Variants in PLA2G4C observed in about 807,000 individuals in gnomAD.
The protein encoded by PLA2G4C is phospholipase A2 group IVC.
In PLA2G4C, 64 loss-of-function variants were observed where a neutral mutation model predicts 73.8. That is an observed-to-expected ratio of 0.87 (90% confidence interval 0.71 to 1.07). PLA2G4C has a LOEUF of 1.07. Ranked by LOEUF, PLA2G4C falls within the 50% of genes least tolerant of loss-of-function variation. The probability of loss-of-function intolerance (pLI) is 0.00; values close to 1 mark genes in which losing one functional copy is unlikely to be tolerated. For synonymous variants in PLA2G4C, 254 were observed against 252.1 expected, an observed-to-expected ratio of 1.01 and a Z score of -0.07; for missense variants, 622 against 665.4, an observed-to-expected ratio of 0.93 and a Z score of 0.72.
intron 1 of PLA2G4C, among the ~76,000 whole-genome samples, chr19:48,109,718 C>T (rs1394750032): frequency 6.6e-6 from 1 of 151,976 alleles, no homozygotes; most frequent in Non-Finnish European, 1.5e-5. Flanking sequence ...GGCGCAGTCT[C>T]GGCTCACTGC....
At chr19:48,060,094 G>A (rs982080411) in intron 14 of PLA2G4C, among the ~76,000 whole-genome samples, 6 of 151,964 alleles carry the variant, frequency 3.9e-5, no homozygotes, top group Admixed American at 1.3e-4. Flanking sequence ...TGAGGCTTTC[G>A]GACTCGGACT....
chr19:48,061,025 G>T (rs1968147894), intron 14 of PLA2G4C, among the ~76,000 whole-genome samples: 1 of 152,116 alleles, frequency 6.6e-6, no homozygotes, highest in South Asian at 2.1e-4. Flanking sequence ...GCTGGGCAGG[G>T]CGGCTTGTGC....
intron 8 of PLA2G4C, 63 bp downstream of exon 8, chr19:48,090,301 A>G (rs2122628352): frequency 8.8e-7 from 1 of 1,135,828 alleles, no homozygotes; most frequent in East Asian, 2.3e-5. Context: ...TAGGAAAAGT[A>G]CTGTGAATCT....
intron 3 of PLA2G4C, 119 bp downstream of exon 3, chr19:48,105,214 T>TGTCCC (rs1180750116): frequency 3.0e-6 from 2 of 675,178 alleles, no homozygotes; most frequent in Admixed American, 2.6e-5. Context: ...CTTCTATTTC[T>TGTCCC]ATCCCATAGA....
At chr19:48,054,257 T>A (rs574995288) in intron 15 of PLA2G4C, among the ~76,000 whole-genome samples, 2 of 152,176 alleles carry the variant, frequency 1.3e-5, no homozygotes, top group African/African-American at 4.8e-5. Context: ...GTTACCCTCA[T>A]GCTGTTCTCG....
At chr19:48,106,622 G>T in intron 1 of PLA2G4C, 61 bp from the exon 2 acceptor site, 2 of 1,338,870 alleles carry the variant, frequency 1.5e-6, no homozygotes, top group South Asian at 1.2e-5. Context: ...AAAGACAGTG[G>T]GGGAGGGCTG....
Position 48,089,352 on chromosome 19 carries a change from G to A in PLA2G4C, c.764-640C>T, listed in dbSNP as rs993282585. 3.9e-5 allele frequency among the ~76,000 whole-genome samples: 6 copies of A among 152,102 alleles called. No individual in the cohort carries two copies. In the East Asian group the frequency reaches 1.2e-3, roughly 29 times the overall value. On this transcript the variant is annotated intron_variant, in intron 8 of 16. Coordinates refer to ENST00000599921, the MANE Select transcript of PLA2G4C (RefSeq NM_003706.3). ...GAGTTGCTTAAGCCTGGGAGGTGGA[G>A]GTTGCAGTGAACTGAGATCATACCA...
intron 1 of PLA2G4C, 38 bp downstream of exon 1, chr19:48,110,449 A>T (rs2032437195): frequency 1.4e-6 from 2 of 1,397,004 alleles, no homozygotes; most frequent in Non-Finnish European, 1.8e-6. Context: ...TGGCCGCCCC[A>T]GCGGGATGAA....
At position 48,104,979 on chromosome 19, in the gene PLA2G4C, A is replaced by G. The variant is rs559593092; in HGVS notation, c.121-255T>C. 8.0e-5 allele frequency among the ~76,000 whole-genome samples: 12 copies of G among 150,124 alleles called. No individual in the cohort carries two copies. The South Asian group carries it at 2.6e-3, about 32-fold the overall frequency. On this transcript the variant is annotated intron_variant, in intron 3 of 16. Transcript: ENST00000599921. ...ACACCTGTAATCCCAGCTGCTCAGC[A>G]GGCTGATGCAGGGGAATAGCTTGAA...
At chr19:48,076,113 T>C (rs2030135392) in intron 11 of PLA2G4C, among the ~76,000 whole-genome samples, 1 of 152,222 alleles carries the variant, frequency 6.6e-6, no homozygotes, top group Non-Finnish European at 1.5e-5. Context: ...AGCCTATGTA[T>C]GGCACTTTGT....
At chr19:48,108,438 A>G (rs1010353437) in intron 1 of PLA2G4C, among the ~76,000 whole-genome samples, 1 of 152,138 alleles carries the variant, frequency 6.6e-6, no homozygotes. Flanking sequence ...ACCCCACTAA[A>G]AAGCTGAGTT....
Position 48,048,206 on chromosome 19 carries a change from G to T in PLA2G4C, c.*137C>A. 1.6e-6 allele frequency: 1 copy of T among 635,040 alleles called. No individual in the cohort carries two copies. Among genetic ancestry groups the T allele is most frequent in the Non-Finnish European group, 2.7e-6 (1 of 365,170 alleles). 39.3% of individuals were successfully genotyped at this position (635,040 alleles called of 1,614,324 possible). A position where few individuals can be genotyped will look rare whatever the true frequency, so the allele number is the denominator to read the frequency against. On this transcript the variant is annotated 3_prime_UTR_variant, in exon 17 of 17. Transcript: ENST00000599921. Reference sequence around the variant, plus strand: ...ACAGTCTAGCTGGTCACTGGTGATTGGCCCTGTTAGGACAGCCAAGGTGAA... The same window carrying T: ...ACAGTCTAGCTGGTCACTGGTGATTTGCCCTGTTAGGACAGCCAAGGTGAA...
chr19:48,067,928 CTG>C (rs1568430203), intron 12 of PLA2G4C, 42 bp from the exon 13 acceptor site: 1 of 1,396,536 alleles, frequency 7.2e-7, no homozygotes, highest in Admixed American at 1.7e-5. Flanking sequence ...GTTCAGGAGA[CTG>C]AGTGGTTTCT....
At chr19:48,051,828 G>A (rs761305304) in intron 16 of PLA2G4C, 4 of 150,360 alleles carry the variant, frequency 2.7e-5, no homozygotes, top group Non-Finnish European at 5.9e-5. Context: ...CAAAAGGAAA[G>A]ACAGTTTCTT....
intron 13 of PLA2G4C, chr19:48,064,806 A>G (rs1294071011): frequency 1.3e-5 from 2 of 152,230 alleles, no homozygotes; most frequent in Non-Finnish European, 2.9e-5. Flanking sequence ...CATGGAGCAA[A>G]GACCATACGA....
At chr19:48,071,350 G>A (rs1340324775) in intron 12 of PLA2G4C, among the ~76,000 whole-genome samples, 2 of 151,958 alleles carry the variant, frequency 1.3e-5, no homozygotes, top group Admixed American at 6.6e-5. Context: ...GAGTGCAATG[G>A]CGTGATCTCA....
chr19:48,107,296 TG>T (rs1340983523), intron 1 of PLA2G4C, among the ~76,000 whole-genome samples: 1 of 152,200 alleles, frequency 6.6e-6, no homozygotes, highest in East Asian at 1.9e-4. Context: ...TGGTAGCTCT[TG>T]GTCTGCCAAA....
At chr19:48,050,881 G>C (rs944933405) in intron 16 of PLA2G4C, among the ~76,000 whole-genome samples, 5 of 151,752 alleles carry the variant, frequency 3.3e-5, no homozygotes, top group African/African-American at 1.2e-4. Context: ...TTGCCATGTT[G>C]CCCAGGCTGG....
intron 2 of PLA2G4C, 102 bp downstream of exon 2, chr19:48,106,420 A>G (rs952203237): frequency 1.1e-6 from 1 of 925,090 alleles, no homozygotes; most frequent in African/African-American, 1.6e-5. Flanking sequence ...ATCTCCACCA[A>G]GCGAGAGGAA....
Sources: gnomAD v4.1 joint callset for allele counts (sites outside exome capture counted in the v4.1 genomes callset) on GRCh38, gnomAD v4.1.1 for gene constraint, MANE v1.5 for transcripts, NCBI Gene and HGNC (gene_info 2026-07-23, HGNC 2026-07-21) for gene names.